The following JPH1 variants were observed in gnomAD, a reference collection of about 807,000 sequenced individuals.
JPH1 encodes junctophilin-1.
Under a neutral mutation model 53.6 loss-of-function variants are expected in JPH1, and 12 were observed. That is an observed-to-expected ratio of 0.22 (90% confidence interval 0.14 to 0.36). JPH1 has a LOEUF of 0.36. JPH1 is among the 10% of genes least tolerant of loss of function. The pLI is 1.00. For missense variants in JPH1, 808 were observed against 905.5 expected (o/e 0.89, Z 1.38); for synonymous variants, 375 against 363.8 (o/e 1.03, Z -0.35).
intron 3 of JPH1, among the ~76,000 whole-genome samples, chr8:74,250,297 T>C (rs1364898420): frequency 6.6e-6 from 1 of 152,126 alleles, no homozygotes; most frequent in Non-Finnish European, 1.5e-5. Context: ...CAGGCCCAGC[T>C]AATTTTTGTA....
chr8:74,292,132 A>T (rs1314276207), intron 2 of JPH1, among the ~76,000 whole-genome samples: 1 of 152,196 alleles, frequency 6.6e-6, no homozygotes, highest in Non-Finnish European at 1.5e-5. Context: ...TATGTAACAA[A>T]CCTGCACGTT....
intron 4 of JPH1, among the ~76,000 whole-genome samples, chr8:74,242,838 C>T (rs1805736615): frequency 6.6e-6 from 1 of 152,180 alleles, no homozygotes; most frequent in African/African-American, 2.4e-5. Flanking sequence ...TGTCTAACTC[C>T]AAGAATCTGA....
At chr8:74,275,200 C>T (rs999999246) in intron 2 of JPH1, among the ~76,000 whole-genome samples, 1 of 152,042 alleles carries the variant, frequency 6.6e-6, no homozygotes, top group Non-Finnish European at 1.5e-5. Context: ...TTTTAAATGT[C>T]CCTAACACAG....
intron 3 of JPH1, among the ~76,000 whole-genome samples, chr8:74,252,588 G>A (rs1390804803): frequency 2.0e-5 from 3 of 151,458 alleles, no homozygotes; most frequent in East Asian, 1.9e-4. Context: ...CAATTGAAAG[G>A]CACAGACTGG....
At chr8:74,257,221 A>T (rs1410264548) in intron 3 of JPH1, among the ~76,000 whole-genome samples, 1 of 152,236 alleles carries the variant, frequency 6.6e-6, no homozygotes, top group Non-Finnish European at 1.5e-5. Flanking sequence ...TGCTACTGTG[A>T]TGTATTCATT....
intron 2 of JPH1, among the ~76,000 whole-genome samples, chr8:74,264,911 C>T (rs1178804770): frequency 7.9e-5 from 12 of 152,274 alleles, no homozygotes; most frequent in African/African-American, 2.9e-4. Flanking sequence ...GATCTTAACT[C>T]CTGTGCTTCC....
intron 2 of JPH1, among the ~76,000 whole-genome samples, chr8:74,289,966 G>C (rs914447383): frequency 7.9e-5 from 12 of 152,132 alleles, no homozygotes; most frequent in African/African-American, 2.9e-4. Context: ...GCTGGATTTG[G>C]TTTGCCAGTA....
intron 2 of JPH1, among the ~76,000 whole-genome samples, chr8:74,296,399 A>G (rs114822231): frequency 0.01 from 1,535 of 152,296 alleles, 20 homozygotes; most frequent in African/African-American, 0.035. Context: ...AACTTGCTTT[A>G]GATTTATGCT....
intron 1 of JPH1, among the ~76,000 whole-genome samples, chr8:74,316,703 CT>C (rs1460418815): frequency 6.6e-6 from 1 of 152,116 alleles, no homozygotes; most frequent in East Asian, 1.9e-4. Flanking sequence ...AAATATTATG[CT>C]TTTTCATGAT....
chr8:74,238,200 G>C (rs1805589321), intron 4 of JPH1, among the ~76,000 whole-genome samples: 1 of 152,180 alleles, frequency 6.6e-6, no homozygotes, highest in Non-Finnish European at 1.5e-5. Context: ...TCATTTTACA[G>C]AAGAGGAAAC....
chr8:74,310,715 G>T (rs1274264335), intron 2 of JPH1, among the ~76,000 whole-genome samples: 2 of 152,154 alleles, frequency 1.3e-5, no homozygotes, highest in African/African-American at 4.8e-5. Context: ...GCCAAAGACA[G>T]TTTGTTCTGT....
chr8:74,314,801 T>A, intron 2 of JPH1, 60 bp downstream of exon 2: 1 of 1,564,506 alleles, frequency 6.4e-7, no homozygotes, highest in South Asian at 1.2e-5. Context: ...ACAAACATAA[T>A]ATTTGATACT....
At chr8:74,242,715 A>T (rs1050172929) in intron 4 of JPH1, among the ~76,000 whole-genome samples, 28 of 152,200 alleles carry the variant, frequency 1.8e-4, no homozygotes, top group African/African-American at 5.5e-4. Context: ...TCGGTCTTGA[A>T]TTTTGCAGAG....
chr8:74,253,735 C>T (rs982218811), intron 3 of JPH1, among the ~76,000 whole-genome samples: 1 of 152,066 alleles, frequency 6.6e-6, no homozygotes, highest in Non-Finnish European at 1.5e-5. Context: ...CACAGAAATA[C>T]AAACTACCAT....
rs114026494 is a variant in JPH1, at chr8:74,300,366, C to T, written c.1139+14495G>A. The stretch of plus-strand genomic sequence containing the variant: ...TATTTTTTTAACTACCTCCCATGTA[C>T]ATGCATTTTCTCTAATTGACTCTAA... On this transcript the variant is annotated intron_variant, in intron 2 of 5. Transcript: ENST00000342232. Among the ~76,000 whole-genome samples, 928 of 152,260 alleles carry T rather than the reference C, an allele frequency of 6.1e-3. 14 individuals carry two copies. Among genetic ancestry groups the T allele is most frequent in the African/African-American group, 0.02 (845 of 41,536 alleles).
At chr8:74,296,129 A>T (rs973703975) in intron 2 of JPH1, among the ~76,000 whole-genome samples, 1 of 152,094 alleles carries the variant, frequency 6.6e-6, no homozygotes, top group Admixed American at 6.6e-5. Flanking sequence ...CCAAGGAAGA[A>T]TATTAACTCA....
intron 2 of JPH1, among the ~76,000 whole-genome samples, chr8:74,270,297 G>A (rs1364967437): frequency 2.6e-5 from 4 of 152,186 alleles, no homozygotes; most frequent in Non-Finnish European, 5.9e-5. Flanking sequence ...ACGCCTCCAA[G>A]TTTAAAAGGA....
At chr8:74,289,328 T>G (rs1482506327) in intron 2 of JPH1, among the ~76,000 whole-genome samples, 1 of 152,212 alleles carries the variant, frequency 6.6e-6, no homozygotes, top group Non-Finnish European at 1.5e-5. Context: ...CAGCATGACC[T>G]TCTTCAGAGA....
rs374169290 is a variant in JPH1 at position 74,266,802 on chromosome 8, G to A, written c.1140-7299C>T. ...AGAAAAAACAAAGGCTGGGCTCTCC[G>A]TTGAGAAGTAGCTGCATGCAACCCA... On this transcript the variant is annotated intron_variant, in intron 2 of 5. Coordinates refer to ENST00000342232, the MANE Select transcript of JPH1 (RefSeq NM_020647.4). Among the ~76,000 whole-genome samples the A allele has an allele frequency of 6.5e-4, 99 of 152,280 alleles. 1 individual carries two copies. The East Asian group carries it at 6.6e-3, about 10-fold the overall frequency.
Sources: allele counts gnomAD v4.1 joint callset (sites outside exome capture counted in the v4.1 genomes callset), GRCh38; gene constraint gnomAD v4.1.1; transcripts MANE v1.5; gene names NCBI Gene and HGNC (gene_info 2026-07-23, HGNC 2026-07-21).